The following PTPRG variants were observed in gnomAD, a reference collection of about 807,000 sequenced individuals.
The protein encoded by PTPRG is receptor-type tyrosine-protein phosphatase gamma.
PTPRG carries 102 observed loss-of-function variants against 165.3 expected under a neutral mutation model. The observed-to-expected ratio is 0.62, with a 90% CI of 0.53 to 0.73. The LOEUF is 0.73. PTPRG is among the 30% of genes least tolerant of loss of function. The pLI, the probability that PTPRG is intolerant of heterozygous loss-of-function variation, is 0.00. For missense variants in PTPRG, 1,866 were observed against 1,861.4 expected, an observed-to-expected ratio of 1.00 and a Z score of -0.05; for synonymous variants, 675 against 669.5, an observed-to-expected ratio of 1.01 and a Z score of -0.13.
intron 1 of PTPRG, among the ~76,000 whole-genome samples, chr3:61,684,737 T>G (rs1224051079): frequency 6.6e-6 from 1 of 152,108 alleles, no homozygotes; most frequent in Non-Finnish European, 1.5e-5. Context: ...AATTAGCAAA[T>G]GTGGATTAAT....
intron 1 of PTPRG, among the ~76,000 whole-genome samples, chr3:61,608,527 G>T (rs1463969874): frequency 6.6e-6 from 1 of 152,162 alleles, no homozygotes; most frequent in African/African-American, 2.4e-5. Flanking sequence ...ACTGCATGTG[G>T]CAGCCATCCT....
chr3:61,994,126 C>T (rs2107702992), intron 3 of PTPRG, among the ~76,000 whole-genome samples: 1 of 152,252 alleles, frequency 6.6e-6, no homozygotes, highest in South Asian at 2.1e-4. Context: ...AAGTTATTTC[C>T]CTTTCTTTCA....
At chr3:61,625,833 A>AATTT (rs1701592181) in intron 1 of PTPRG, among the ~76,000 whole-genome samples, 1 of 152,288 alleles carries the variant, frequency 6.6e-6, no homozygotes, top group African/African-American at 2.4e-5. Flanking sequence ...AAAATTTAAA[A>AATTT]ATGTTGAAGA....
chr3:61,835,128 T>A (rs2036421223), intron 2 of PTPRG, among the ~76,000 whole-genome samples: 1 of 152,192 alleles, frequency 6.6e-6, no homozygotes, highest in African/African-American at 2.4e-5. Context: ...GTATTGAGAA[T>A]TATGCTGTCC....
chr3:61,669,969 C>T (rs574813701), intron 1 of PTPRG, among the ~76,000 whole-genome samples: 3 of 152,216 alleles, frequency 2.0e-5, no homozygotes, highest in East Asian at 1.9e-4. Context: ...GTACTGGAGT[C>T]GGCAGAACTA....
intron 2 of PTPRG, among the ~76,000 whole-genome samples, chr3:61,917,014 C>CT (rs2038955564): frequency 1.3e-5 from 2 of 152,142 alleles, no homozygotes; most frequent in African/African-American, 2.4e-5. Context: ...CTTCTGAAGC[C>CT]TTCGACCTCT....
At chr3:62,005,287 G>T (rs537065166) in intron 4 of PTPRG, among the ~76,000 whole-genome samples, 1 of 152,292 alleles carries the variant, frequency 6.6e-6, no homozygotes, top group South Asian at 2.1e-4. Flanking sequence ...AAAATGGAAT[G>T]AATCATTTCT....
intron 6 of PTPRG, among the ~76,000 whole-genome samples, chr3:62,134,715 T>C (rs1455522904): frequency 6.6e-6 from 1 of 152,234 alleles, no homozygotes; most frequent in East Asian, 1.9e-4. Context: ...GCTTCTTGGG[T>C]ATCAGTTTCC....
intron 6 of PTPRG, among the ~76,000 whole-genome samples, chr3:62,143,068 C>T (rs908160153): frequency 2.0e-5 from 3 of 152,186 alleles, no homozygotes; most frequent in African/African-American, 2.4e-5. Flanking sequence ...CAGGTCCTCT[C>T]CCGCTCAGAT....
chr3:62,156,979 C>G, intron 6 of PTPRG, 88 bp from the exon 7 acceptor site: 2 of 1,216,014 alleles, frequency 1.6e-6, no homozygotes, highest in Non-Finnish European at 2.4e-6. Context: ...CGATGTGGCA[C>G]CAGCATGCCG....
intron 1 of PTPRG, chr3:61,659,259 G>C: frequency 1.0e-6 from 1 of 955,256 alleles, no homozygotes; most frequent in South Asian, 4.9e-5. Flanking sequence ...CTTCATATAG[G>C]CATATACAAT....
chr3:62,086,130 G>T (rs945612418), intron 5 of PTPRG, among the ~76,000 whole-genome samples: 1 of 152,030 alleles, frequency 6.6e-6, no homozygotes, highest in Non-Finnish European at 1.5e-5. Flanking sequence ...TTCTGTTCTG[G>T]TATAAAGCAG....
intron 1 of PTPRG, among the ~76,000 whole-genome samples, chr3:61,741,920 C>T (rs761625497): frequency 1.6e-4 from 25 of 152,094 alleles, no homozygotes; most frequent in Admixed American, 3.3e-4. Context: ...CATGAATTTG[C>T]AATCTTGTAG....
At chr3:61,973,836 A>G (rs1386570302) in intron 2 of PTPRG, among the ~76,000 whole-genome samples, 4 of 50,954 alleles carry the variant, frequency 7.9e-5, no homozygotes, top group Non-Finnish European at 1.6e-4. Flanking sequence ...CCATTTCAAA[A>G]TAAATAAATA....
chr3:62,137,732 C>T (rs963474883), intron 6 of PTPRG, among the ~76,000 whole-genome samples: 1 of 152,108 alleles, frequency 6.6e-6, no homozygotes, highest in African/African-American at 2.4e-5. Context: ...AGCTGGTCAT[C>T]ACTCGTTGTC....
rs1035565522 is a variant in PTPRG at position 62,203,052 on chromosome 3, T to C, written c.1378-121T>C. 2.6e-5 allele frequency: 39 copies of C among 1,473,282 alleles called. No individual in the cohort carries two copies. The highest frequency in any genetic ancestry group is 3.3e-5 in the Non-Finnish European group (37 of 1,108,840). 91.3% of individuals were successfully genotyped at this position (1,473,282 alleles called of 1,614,324 possible). On this transcript the variant is annotated intron_variant, in intron 11 of 29. Transcript: ENST00000474889. The surrounding 1 kb of genome is among the most constrained non-coding windows in gnomAD (Gnocchi z 6.4). ...CCATACATTGGAAAACTCCATAGCA[T>C]AGATGAGTAAAATCCTCAGAGGGTG... is the stretch of plus-strand genomic sequence containing the variant.
intron 2 of PTPRG, among the ~76,000 whole-genome samples, chr3:61,827,021 G>A (rs1253142364): frequency 6.6e-6 from 1 of 152,128 alleles, no homozygotes; most frequent in Non-Finnish European, 1.5e-5. Flanking sequence ...CAGGCAACTA[G>A]AATGAGAATA....
chr3:62,096,068 C>T (rs558523044), intron 5 of PTPRG, among the ~76,000 whole-genome samples: 3 of 152,168 alleles, frequency 2.0e-5, no homozygotes, highest in African/African-American at 4.8e-5. Context: ...GGAGCACTAC[C>T]GAGAGAGTTG....
chr3:61,566,310 A>G (rs1699913043), intron 1 of PTPRG, among the ~76,000 whole-genome samples: 2 of 152,268 alleles, frequency 1.3e-5, no homozygotes, highest in African/African-American at 4.8e-5. Flanking sequence ...TGATGATTTA[A>G]TGCAGCAAAA....
Sources: gnomAD v4.1 joint callset for allele counts (sites outside exome capture counted in the v4.1 genomes callset) on GRCh38, gnomAD v4.1.1 for gene constraint, Gnocchi (gnomAD v3.1) non-coding constraint, MANE v1.5 for transcripts, NCBI Gene and HGNC (gene_info 2026-07-23, HGNC 2026-07-21) for gene names.